Variants in TMPRSS9 observed in about 807,000 individuals in gnomAD.
TMPRSS9 encodes the protein transmembrane serine protease 9.
In TMPRSS9, 113 loss-of-function variants were observed where a neutral mutation model predicts 111.4. The observed-to-expected ratio is 1.01, with a 90% confidence interval of 0.87 to 1.19. The LOEUF (loss-of-function observed/expected upper bound fraction) is 1.19. TMPRSS9 is among the 50% of genes most tolerant of loss of function. The pLI, the probability that TMPRSS9 is intolerant of heterozygous loss-of-function variation, is 0.00. For synonymous variants in TMPRSS9, 805 were observed against 659.1 expected (o/e 1.22, Z -3.39); for missense variants, 1,803 against 1,513.1 (o/e 1.19, Z -3.18).
In TMPRSS9 at chr19:2,396,639, C is replaced by G. The variant is rs766218329; in HGVS notation, c.243C>G (p.Arg81=). ...GGCGGGAGACCTCGGACTATCACCG[C>G]ACGCTGACGCCCACCCTGGAGGCAC... The change falls in exon 2 of 18, where the codon CGC becomes CGG. Residue 81 remains arginine, a synonymous_variant. Transcript: ENST00000648592. The G allele has an allele frequency of 1.9e-6, 3 of 1,607,458 alleles. No homozygotes were observed. In the East Asian group the frequency reaches 6.7e-5, roughly 36 times the overall value.
At chr19:2,373,120 A>C (rs983659658) in intron 1 of TMPRSS9, among the ~76,000 whole-genome samples, 1 of 151,998 alleles carries the variant, frequency 6.6e-6, no homozygotes, top group African/African-American at 2.4e-5. Flanking sequence ...GGCATGAGCC[A>C]CTGCGCCCAG....
At chr19:2,388,056 A>G (rs1970512934), upstream of TMPRSS9, among the ~76,000 whole-genome samples, 1 of 152,184 alleles carries the variant, frequency 6.6e-6, no homozygotes, top group South Asian at 2.1e-4. Flanking sequence ...TGACAGAAAA[A>G]GAGTCTGTGG....
At chr19:2,411,738 G>A (rs1971101052) in intron 9 of TMPRSS9, among the ~76,000 whole-genome samples, 1 of 152,120 alleles carries the variant, frequency 6.6e-6, no homozygotes, top group Non-Finnish European at 1.5e-5. Flanking sequence ...TTTTAGTAAA[G>A]ACAGGGTTTC....
chr19:2,368,794 TTTTTTTTA>T lies in TMPRSS9; in HGVS notation c.-26+8435_-26+8442del, dbSNP rs1451491739. On this transcript the variant is annotated intron_variant, in intron 1 of 17. Transcript: ENST00000649857. ...ACCCAGTTTTTTTTTTTTTTTTTTT[TTTTTTTTA>T]AAGACAGAGTCTCACTCTGTCGCCC... is the stretch of plus-strand genomic sequence containing the variant. Among the ~76,000 whole-genome samples the T allele has an allele frequency of 2.9e-4, 35 of 120,024 alleles. 5 individuals carry two copies. Among genetic ancestry groups the T allele is most frequent in the Admixed American group, 1.1e-3 (13 of 12,000 alleles). The allele number at this position is 120,024 out of a possible 152,430, so 78.7% of individuals were successfully genotyped here.
chr19:2,414,761 G>A (rs1971184154), intron 10 of TMPRSS9, among the ~76,000 whole-genome samples: 1 of 150,890 alleles, frequency 6.6e-6, no homozygotes, highest in Non-Finnish European at 1.5e-5. Flanking sequence ...CAGCTACTTG[G>A]GAGGCTGAGG....
intron 1 of TMPRSS9, among the ~76,000 whole-genome samples, chr19:2,390,949 A>G (rs886429379): frequency 5.3e-5 from 8 of 151,092 alleles, no homozygotes; most frequent in African/African-American, 1.7e-4. Context: ...TGAGCAGATC[A>G]TGAGGTCAGG....
upstream of TMPRSS9, among the ~76,000 whole-genome samples, chr19:2,385,174 G>A (rs1260613538): frequency 7.8e-6 from 1 of 127,528 alleles, no homozygotes; most frequent in Non-Finnish European, 1.5e-5. Flanking sequence ...GGGGCTCGCG[G>A]GGGGCGGGGC....
exon 7 of TMPRSS9, chr19:2,405,425 T>C (rs767757158): frequency 8.1e-6 from 13 of 1,607,724 alleles, no homozygotes; most frequent in Non-Finnish European, 1.1e-5. Flanking sequence ...GTGGGCGGCA[T>C]GGAAGCATCC....
At chr19:2,414,741 C>T (rs1417606300) in intron 10 of TMPRSS9, among the ~76,000 whole-genome samples, 1 of 150,850 alleles carries the variant, frequency 6.6e-6, no homozygotes, top group Non-Finnish European at 1.5e-5. Flanking sequence ...GTGGAGGGCA[C>T]CTGTAATCCC....
intron 16 of TMPRSS9, 34 bp downstream of exon 17, chr19:2,425,301 TCGGGGGG>T: frequency 1.6e-6 from 2 of 1,222,868 alleles, no homozygotes; most frequent in Non-Finnish European, 2.0e-6. Flanking sequence ...GGTGCGGGGC[TCGGGGGG>T]CGGCCGGACG....
intron 7 of TMPRSS9, 42 bp from the exon 9 acceptor site, chr19:2,408,314 T>G (rs1156897633): frequency 1.9e-6 from 3 of 1,597,148 alleles, no homozygotes; most frequent in Middle Eastern, 1.8e-4. Context: ...CCCCGACGGC[T>G]CTGACCCTCG....
intron 10 of TMPRSS9, among the ~76,000 whole-genome samples, chr19:2,415,253 T>C (rs1971200619): frequency 6.6e-6 from 1 of 152,014 alleles, no homozygotes; most frequent in African/African-American, 2.4e-5. Flanking sequence ...CCATGCTTCA[T>C]TTCAGTTCAC....
chr19:2,391,439 A>G (rs1234329246), intron 1 of TMPRSS9, among the ~76,000 whole-genome samples: 1 of 148,982 alleles, frequency 6.7e-6, no homozygotes, highest in Non-Finnish European at 1.5e-5. Flanking sequence ...GACATGTTTG[A>G]CTGAGGCCCT....
chr19:2,416,613 C>G (rs534559011), exon 12 of TMPRSS9: 5 of 1,612,624 alleles, frequency 3.1e-6, no homozygotes, highest in South Asian at 1.1e-5. Context: ...CGGTGAAGAT[C>G]GGGCTGCGGC....
chr19:2,378,464 A>G (rs971344218), intron 1 of TMPRSS9, among the ~76,000 whole-genome samples: 1 of 152,174 alleles, frequency 6.6e-6, no homozygotes, highest in Non-Finnish European at 1.5e-5. Context: ...TCATGCCTGT[A>G]ATCCCAGCAC....
chr19:2,398,895 TTGG>T (rs1240017594), intron 3 of TMPRSS9, 33 bp downstream of exon 4: 2 of 1,530,560 alleles, frequency 1.3e-6, no homozygotes, highest in East Asian at 2.5e-5. Flanking sequence ...TGAAGGAAAC[TTGG>T]TGGACATCTG....
At chr19:2,390,737 C>T (rs1414520489) in intron 1 of TMPRSS9, among the ~76,000 whole-genome samples, 1 of 151,796 alleles carries the variant, frequency 6.6e-6, no homozygotes, top group Non-Finnish European at 1.5e-5. Flanking sequence ...CCTGCAGTCC[C>T]AGCTACTCAG....
At chr19:2,426,131 C>A (rs929799159) in exon 18 of TMPRSS9, 4 of 1,577,836 alleles carry the variant, frequency 2.5e-6, no homozygotes, top group Non-Finnish European at 3.4e-6. Context: ...GTGAAAGCAA[C>A]AGGAGCAGCA....
exon 9 of TMPRSS9, chr19:2,410,370 G>T: frequency 6.2e-7 from 1 of 1,614,014 alleles, no homozygotes; most frequent in Non-Finnish European, 8.5e-7. Flanking sequence ...CTGGCTACCT[G>T]GACGGGAAGG....
Sources: allele counts gnomAD v4.1 joint callset (sites outside exome capture counted in the v4.1 genomes callset), GRCh38; gene constraint gnomAD v4.1.1; transcripts MANE v1.5; gene names NCBI Gene and HGNC (gene_info 2026-07-23, HGNC 2026-07-21).